The following DLG5 variants were observed in gnomAD, a reference collection of about 807,000 sequenced individuals.
DLG5 encodes the protein disks large homolog 5.
A neutral mutation model predicts 189.8 loss-of-function variants in DLG5; 48 were observed. That is an observed-to-expected ratio of 0.25 (90% CI 0.20 to 0.32). DLG5 has a LOEUF of 0.32. Ranked by LOEUF, DLG5 falls within the 10% of genes least tolerant of loss-of-function variation. DLG5 has a pLI of 1.00. For missense variants in DLG5, 2,160 were observed against 2,544.7 expected (o/e 0.85, Z 3.25); for synonymous variants, 1,016 against 1,054.1 (o/e 0.96, Z 0.70).
chr10:77,880,947 C>CCA (rs1240900718), intron 1 of DLG5, among the ~76,000 whole-genome samples: 3 of 146,360 alleles, frequency 2.0e-5, no homozygotes, highest in African/African-American at 7.4e-5. Context: ...GGACTCTCAT[C>CCA]CACTAACCCT....
upstream of DLG5, chr10:77,929,270 G>A (rs1007810534): frequency 6.6e-6 from 1 of 152,064 alleles, no homozygotes; most frequent in African/African-American, 2.4e-5. Flanking sequence ...TTGAACTCCT[G>A]GGCTCAAGTT....
chr10:77,888,355 G>T (rs942588180), intron 1 of DLG5, among the ~76,000 whole-genome samples: 2 of 152,126 alleles, frequency 1.3e-5, no homozygotes, highest in South Asian at 2.1e-4. Flanking sequence ...GCCCCTGCGT[G>T]GACAGCCCAG....
In DLG5 at chr10:77,792,392, G is replaced by A. The variant is rs2154574680; in HGVS notation, c.*48C>T. 6.5e-7 allele frequency: 1 copy of A among 1,543,110 alleles called. No homozygotes were observed. Among genetic ancestry groups the A allele is most frequent in the Middle Eastern group, 1.7e-4 (1 of 5,920 alleles). On this transcript the variant is annotated 3_prime_UTR_variant, in exon 32 of 32. Transcript: ENST00000372391. ...AGTCGCTAGAAAAGAGCTGAGTCTG[G>A]TGTCCCCTCAGGCGGCCAGCTGCAG...
intron 1 of DLG5, among the ~76,000 whole-genome samples, chr10:77,873,562 C>G (rs543268830): frequency 7.9e-5 from 12 of 152,232 alleles, no homozygotes; most frequent in South Asian, 4.2e-4. Context: ...GAAAAACCAC[C>G]CGAACAATAA....
intron 1 of DLG5, among the ~76,000 whole-genome samples, chr10:77,877,793 G>A (rs1265232990): frequency 2.6e-5 from 4 of 152,176 alleles, no homozygotes; most frequent in Non-Finnish European, 2.9e-5. Context: ...AGGTGGGGGT[G>A]GAGGGGGGAC....
In DLG5 at chr10:77,830,980, G is replaced by A. The variant is rs911793677; in HGVS notation, c.1749-107C>T. On this transcript the variant is annotated intron_variant, in intron 9 of 31. Coordinates refer to ENST00000372391, the MANE Select transcript of DLG5 (RefSeq NM_004747.4). ...AGGCCATTTGAAACAGCTAAAATGG[G>A]TTCCTTTCCCCCTTGTTTCCCAATA... 2.0e-5 allele frequency: 26 copies of A among 1,321,412 alleles called. No homozygotes were observed. In the South Asian group the frequency reaches 2.6e-4, roughly 13 times the overall value. The allele number at this position is 1,321,412 out of a possible 1,614,324, so 81.9% of individuals were successfully genotyped here. A position where few individuals can be genotyped will look rare whatever the true frequency, so the allele number is the denominator to read the frequency against.
At chr10:77,809,517 G>A in intron 24 of DLG5, 30 bp downstream of exon 24, 1 of 1,594,660 alleles carries the variant, frequency 6.3e-7, no homozygotes, top group Non-Finnish European at 8.5e-7. Flanking sequence ...GTAGATGGAG[G>A]CCTGGCCTGC....
At chr10:77,939,501 G>A in the DLG5 span, among the ~76,000 whole-genome samples, 919 of 152,244 alleles carry the variant, frequency 6.0e-3, 6 homozygotes, top group Admixed American at 0.01. Flanking sequence ...CACCTCTATT[G>A]TTCCTCCTTT....
At chr10:77,895,255 C>T (rs968640838) in intron 1 of DLG5, among the ~76,000 whole-genome samples, 9 of 152,170 alleles carry the variant, frequency 5.9e-5, no homozygotes, top group African/African-American at 1.4e-4. Context: ...TCACTACTCA[C>T]GCCCCTTCTC....
intron 1 of DLG5, among the ~76,000 whole-genome samples, chr10:77,902,466 A>C (rs1015791292): frequency 6.6e-6 from 1 of 152,242 alleles, no homozygotes; most frequent in African/African-American, 2.4e-5. Flanking sequence ...GATGCACCGC[A>C]GCATTGTAAG....
At chr10:77,823,322 A>G (rs1842458401) in intron 14 of DLG5, among the ~76,000 whole-genome samples, 1 of 152,210 alleles carries the variant, frequency 6.6e-6, no homozygotes, top group African/African-American at 2.4e-5. Context: ...AGGCCCAGCC[A>G]TTTCATTAAG....
rs765896554 is a variant in DLG5, at chr10:77,796,607, G to A, written c.5165-13C>T. ...AGGCTCACCGAATCTGAGGGAGAGAGAGCAGCAGCGTCACGGACCCAGCTT... is the reference window on the plus strand; with the variant it reads ...AGGCTCACCGAATCTGAGGGAGAGAAAGCAGCAGCGTCACGGACCCAGCTT... On this transcript the variant is annotated splice_polypyrimidine_tract_variant and intron_variant, in intron 27 of 31. Coordinates refer to ENST00000372391, the MANE Select transcript of DLG5 (RefSeq NM_004747.4). This position sits in a 1 kb window ranked among gnomAD's most constrained non-coding sequence, Gnocchi z 5.2. 6.2e-7 allele frequency: 1 copy of A among 1,613,554 alleles called. No homozygotes were observed. Among genetic ancestry groups the A allele is most frequent in the Admixed American group, 1.7e-5 (1 of 60,028 alleles).
chr10:77,799,014 C>T (rs769103452), intron 27 of DLG5, among the ~76,000 whole-genome samples: 11 of 152,190 alleles, frequency 7.2e-5, no homozygotes, highest in Non-Finnish European at 1.5e-4. Flanking sequence ...ACCATATTCT[C>T]CCTTAATGAT....
At chr10:77,822,938 T>C (rs534161708) in intron 14 of DLG5, among the ~76,000 whole-genome samples, 36 of 152,230 alleles carry the variant, frequency 2.4e-4, no homozygotes, top group African/African-American at 6.0e-4. Context: ...ATGGGGAGCA[T>C]AGGGAATTTT....
chr10:77,933,318 C>CTCTTGT, the DLG5 span, among the ~76,000 whole-genome samples: 1 of 151,902 alleles, frequency 6.6e-6, no homozygotes, highest in Non-Finnish European at 1.5e-5. Flanking sequence ...TAGAGTCTCG[C>CTCTTGT]TCTTGTTCCC....
chr10:77,838,707 G>A (rs1315747505), intron 7 of DLG5, among the ~76,000 whole-genome samples: 1 of 152,214 alleles, frequency 6.6e-6, no homozygotes, highest in Admixed American at 6.5e-5. Context: ...GATGAAGATG[G>A]CTCTGCGGTG....
chr10:77,841,374 C>G (rs1198902455), intron 7 of DLG5, among the ~76,000 whole-genome samples: 1 of 152,194 alleles, frequency 6.6e-6, no homozygotes, highest in Admixed American at 6.5e-5. Context: ...GAATGTTGGG[C>G]TCAGCCTACT....
chr10:77,906,772 G>A (rs1168277692), intron 1 of DLG5, among the ~76,000 whole-genome samples: 1 of 151,780 alleles, frequency 6.6e-6, no homozygotes, highest in Non-Finnish European at 1.5e-5. Context: ...GTACAGGCAC[G>A]TACCACCATG....
At chr10:77,927,994 C>T (rs1846746450), upstream of DLG5, 1 of 152,208 alleles carries the variant, frequency 6.6e-6, no homozygotes, top group South Asian at 2.1e-4. Flanking sequence ...AGCCACATGC[C>T]TCCTCCCTTC....
Sources: allele counts gnomAD v4.1 joint callset (sites outside exome capture counted in the v4.1 genomes callset), GRCh38; gene constraint gnomAD v4.1.1; non-coding constraint Gnocchi (gnomAD v3.1); transcripts MANE v1.5; gene names NCBI Gene and HGNC (gene_info 2026-07-23, HGNC 2026-07-21).